PIK3CD: variants seen among roughly 807,000 people sequenced by gnomAD.
PIK3CD encodes phosphatidylinositol-4,5-bisphosphate 3-kinase catalytic subunit delta, also known as phosphatidylinositol 4,5-bisphosphate 3-kinase catalytic subunit delta isoform.
In PIK3CD, 20 loss-of-function variants were observed where a neutral mutation model predicts 122.9. The observed-to-expected ratio is 0.16, with a 90% CI of 0.11 to 0.24. PIK3CD has a LOEUF of 0.24. PIK3CD is among the 10% of genes least tolerant of loss of function. PIK3CD has a pLI of 1.00. For synonymous variants in PIK3CD, 596 were observed against 593.4 expected (o/e 1.00, Z -0.06); for missense variants, 787 against 1,406.3 (o/e 0.56, Z 7.04).
chr1:9,664,776 G>T (rs1034663704), intron 1 of PIK3CD, among the ~76,000 whole-genome samples: 1 of 152,086 alleles, frequency 6.6e-6, no homozygotes, highest in Non-Finnish European at 1.5e-5. Context: ...TCTCCTCCTT[G>T]CCTTCCCCAG....
intron 1 of PIK3CD, among the ~76,000 whole-genome samples, chr1:9,666,260 A>ATTTTTTTT (rs1645155899): frequency 3.7e-5 from 1 of 26,906 alleles, no homozygotes; most frequent in South Asian, 1.5e-3. Context: ...TTTTTTTTTG[A>ATTTTTTTT]GGTGGAGTCT....
the PIK3CD span, among the ~76,000 whole-genome samples, chr1:9,642,238 G>A: frequency 1.3e-5 from 2 of 151,758 alleles, no homozygotes; most frequent in Admixed American, 1.3e-4. Context: ...TCAGCCTCCT[G>A]AGTAGCTGGG....
rs369339827 is a variant in PIK3CD at position 9,723,118 on chromosome 1, T to G, written c.2427-7T>G. The G allele has an allele frequency of 5.7e-5, 92 of 1,613,216 alleles. No homozygotes were observed. In the African/African-American group the frequency reaches 1.1e-3, roughly 19 times the overall value. On this transcript the variant is annotated splice_region_variant and splice_polypyrimidine_tract_variant and intron_variant, in intron 19 of 23. Coordinates refer to ENST00000377346, the MANE Select transcript of PIK3CD (RefSeq NM_005026.5). This position sits in a 1 kb window ranked among gnomAD's most constrained non-coding sequence, Gnocchi z 4.9. ...CCATTTGCCCGTCCCTCTTCCCCCTTGCCTAGGATGACCCCCTATGGCTGC... is the reference window on the plus strand; with the variant it reads ...CCATTTGCCCGTCCCTCTTCCCCCTGGCCTAGGATGACCCCCTATGGCTGC...
intron 1 of PIK3CD, chr1:9,672,726 G>A (rs1338901547): frequency 6.6e-6 from 1 of 152,158 alleles, no homozygotes; most frequent in African/African-American, 2.4e-5. Context: ...GTGCCTGGTG[G>A]AGAAACGAAT....
chr1:9,661,768 G>A (rs891004324), intron 1 of PIK3CD, among the ~76,000 whole-genome samples: 4 of 152,086 alleles, frequency 2.6e-5, no homozygotes, highest in Admixed American at 6.6e-5. Context: ...AGGCCGAGGC[G>A]GACGGATCAC....
At chr1:9,667,908 G>GTTTTTTT (rs745429754) in intron 1 of PIK3CD, among the ~76,000 whole-genome samples, 2 of 55,150 alleles carry the variant, frequency 3.6e-5, no homozygotes, top group Non-Finnish European at 7.7e-5. Context: ...GCTAATTTTT[G>GTTTTTTT]TTTTTTTTTT....
At chr1:9,632,303 C>T in the PIK3CD span, among the ~76,000 whole-genome samples, 1 of 152,116 alleles carries the variant, frequency 6.6e-6, no homozygotes, top group Non-Finnish European at 1.5e-5. Flanking sequence ...TGAGCCACCG[C>T]ACCTGGCTTC....
rs1648992545 is a variant in PIK3CD at position 9,723,358 on chromosome 1, C to T, written c.2594+66C>T. 1 of 1,536,788 alleles carries T rather than the reference C, an allele frequency of 6.5e-7. No homozygotes were observed. Among genetic ancestry groups the T allele is most frequent in the South Asian group, 1.1e-5 (1 of 89,422 alleles). On this transcript the variant is annotated intron_variant, in intron 20 of 23. Transcript: ENST00000377346. The surrounding 1 kb of genome is among the most constrained non-coding windows in gnomAD (Gnocchi z 4.9). ...AGAGGTGTGGAGTGGGAGGGCCTCG[C>T]CTGTCAGAACAAAGGAGCGGGGAGG...
chr1:9,650,236 A>G (rs1439991080), upstream of PIK3CD, among the ~76,000 whole-genome samples: 1 of 152,086 alleles, frequency 6.6e-6, no homozygotes, highest in African/African-American at 2.4e-5. Context: ...AGCCTGGTGA[A>G]CATGGCGAAA....
chr1:9,630,109 C>T, the PIK3CD span, among the ~76,000 whole-genome samples: 3 of 152,224 alleles, frequency 2.0e-5, no homozygotes, highest in Non-Finnish European at 4.4e-5. Context: ...CAGTGCGGTC[C>T]TCACTCTGAA....
chr1:9,669,014 G>A (rs1031278399), intron 1 of PIK3CD, among the ~76,000 whole-genome samples: 3 of 152,120 alleles, frequency 2.0e-5, no homozygotes, highest in East Asian at 3.8e-4. Context: ...GTGACTGTTC[G>A]CTGCTCACAT....
the PIK3CD span, among the ~76,000 whole-genome samples, chr1:9,640,919 C>T: frequency 1.3e-5 from 2 of 152,110 alleles, no homozygotes; most frequent in Admixed American, 6.6e-5. Context: ...CCAAAGCCTG[C>T]GATGCTCTGG....
chr1:9,656,156 G>A (rs1481181198), intron 1 of PIK3CD, among the ~76,000 whole-genome samples: 3 of 152,156 alleles, frequency 2.0e-5, no homozygotes, highest in Admixed American at 2.0e-4. Context: ...GTAGGGTGGG[G>A]GAGGAGGAGA....
chr1:9,638,668 C>CT, the PIK3CD span, among the ~76,000 whole-genome samples: 1 of 132,754 alleles, frequency 7.5e-6, no homozygotes, highest in Non-Finnish European at 1.5e-5. Context: ...GGAGGCGGAG[C>CT]TTGCAGTGAG....
Position 9,700,701 on chromosome 1 carries a change from G to T in PIK3CD, c.-33+9130G>T, listed in dbSNP as rs941804257. Among the ~76,000 whole-genome samples, 31 of 152,138 alleles carry T rather than the reference G, an allele frequency of 2.0e-4. No individual in the cohort carries two copies. Among genetic ancestry groups the T allele is most frequent in the Non-Finnish European group, 1.9e-4 (13 of 68,022 alleles). ...TGTCCCCCGCCCTCCCACCTGGGGAGTTTGCCCCTGGCGGTCTTTACGTGG... is the reference window on the plus strand; with the variant it reads ...TGTCCCCCGCCCTCCCACCTGGGGATTTTGCCCCTGGCGGTCTTTACGTGG... On this transcript the variant is annotated intron_variant, in intron 2 of 23. Transcript: ENST00000377346. This position sits in a 1 kb window ranked among gnomAD's most constrained non-coding sequence, Gnocchi z 5.1.
rs34570604 is a variant in PIK3CD at position 9,727,808 on chromosome 1, CTT to C, written c.*775_*776del. On this transcript the variant is annotated 3_prime_UTR_variant, in exon 24 of 24. Coordinates refer to ENST00000377346, the MANE Select transcript of PIK3CD (RefSeq NM_005026.5). ...AATACTCTGCCATTATCTCAAAAAT[CTT>C]TTTTTTTTTTTTGAGATGGGGTCTT... The C allele has an allele frequency of 1.2e-3, 204 of 169,342 alleles. No individual in the cohort carries two copies. The highest frequency in any genetic ancestry group is 0.011 in the Middle Eastern group (5 of 468). 10.5% of individuals were successfully genotyped at this position (169,342 alleles called of 1,614,324 possible).
the PIK3CD span, among the ~76,000 whole-genome samples, chr1:9,636,396 G>C: frequency 6.6e-6 from 1 of 152,192 alleles, no homozygotes; most frequent in Non-Finnish European, 1.5e-5. Flanking sequence ...GTTTCACCAT[G>C]TTGGCCAGGC....
Position 9,729,103 on chromosome 1 carries a change from C to G in PIK3CD, c.*2057C>G, listed in dbSNP as rs1202752813. On this transcript the variant is annotated 3_prime_UTR_variant, in exon 24 of 24. Transcript: ENST00000377346. ...AGTATACACATCTGCGAAGGGAAAC[C>G]GCGCGGCGACAGCGTGAGGACATCC... is the stretch of plus-strand genomic sequence containing the variant. The G allele has an allele frequency of 6.6e-6, 1 of 152,158 alleles. No homozygotes were observed. Among genetic ancestry groups the G allele is most frequent in the African/African-American group, 2.4e-5 (1 of 41,434 alleles). 9.4% of individuals were successfully genotyped at this position (152,158 alleles called of 1,614,324 possible).
intron 1 of PIK3CD, chr1:9,688,418 T>G (rs994783822): frequency 6.6e-6 from 1 of 152,268 alleles, no homozygotes; most frequent in Non-Finnish European, 1.5e-5. Flanking sequence ...GTGCCAGCGC[T>G]AGCTCTGCCC....
Sources: allele counts gnomAD v4.1 joint callset (sites outside exome capture counted in the v4.1 genomes callset), GRCh38; gene constraint gnomAD v4.1.1; non-coding constraint Gnocchi (gnomAD v3.1); transcripts MANE v1.5; gene names NCBI Gene and HGNC (gene_info 2026-07-23, HGNC 2026-07-21).